Variants in VPS13D observed in about 807,000 individuals in gnomAD.
VPS13D encodes vacuolar protein sorting 13 homolog D.
A neutral mutation model predicts 461.9 loss-of-function variants in VPS13D; 187 were observed. The observed-to-expected ratio is 0.40, with a 90% CI of 0.36 to 0.46. The LOEUF (loss-of-function observed/expected upper bound fraction) is 0.46, where lower values mean the gene tolerates loss of function less well. VPS13D is among the 20% of genes least tolerant of loss of function. The probability of loss-of-function intolerance (pLI) is 0.60; values close to 1 mark genes in which losing one functional copy is unlikely to be tolerated. For synonymous variants in VPS13D, 1,951 were observed against 1,986.3 expected (o/e 0.98, Z 0.47); for missense variants, 4,711 against 5,364.9 (o/e 0.88, Z 3.81).
intron 10 of VPS13D, among the ~76,000 whole-genome samples, 174 bp from the exon 11 acceptor site, chr1:12,260,519 A>G (rs1641074163): frequency 6.6e-6 from 1 of 152,166 alleles, no homozygotes; most frequent in Non-Finnish European, 1.5e-5. Context: ...AAGCTACTTA[A>G]GCCAGAAACA....
At chr1:12,366,114 G>A (rs989308178) in intron 52 of VPS13D, among the ~76,000 whole-genome samples, 5 of 151,932 alleles carry the variant, frequency 3.3e-5, no homozygotes, top group African/African-American at 7.3e-5. Context: ...TCACTATGTT[G>A]CCCAGGCTGG....
In VPS13D at chr1:12,321,774, C is replaced by T. The variant is rs745788383; in HGVS notation, c.7549-35C>T. ...GTAGTTGGACCCTTCCTAAATCAGA[C>T]ATTAATTCTCGCCATATTGCATTTC... On this transcript the variant is annotated intron_variant, in intron 32 of 69. Transcript: ENST00000620676. 1.9e-6 allele frequency: 3 copies of T among 1,577,308 alleles called. No individual in the cohort carries two copies. The African/African-American group carries it at 4.1e-5, about 22-fold the overall frequency.
chr1:12,401,507 T>C, intron 61 of VPS13D, 101 bp from the exon 62 acceptor site: 2 of 777,908 alleles, frequency 2.6e-6, no homozygotes, highest in Non-Finnish European at 4.1e-6. Flanking sequence ...TAAAGCCACA[T>C]GATTAATGAA....
chr1:12,475,044 C>T (rs1378270580), intron 67 of VPS13D, among the ~76,000 whole-genome samples: 1 of 152,062 alleles, frequency 6.6e-6, no homozygotes, highest in East Asian at 1.9e-4. Flanking sequence ...GGAGCCTCGT[C>T]CTGATGTATT....
In VPS13D at chr1:12,311,861, A is replaced by T; in HGVS notation, c.6871A>T (p.Met2291Leu). The T allele has an allele frequency of 6.2e-7, 1 of 1,614,192 alleles. No homozygotes were observed. The highest frequency in any genetic ancestry group is 8.5e-7 in the Non-Finnish European group (1 of 1,180,002). The change falls in exon 29 of 70, where the codon ATG (methionine) becomes TTG (leucine). Residue 2291 changes from methionine (M) to leucine (L), a missense_variant. Met to Leu is a conservative substitution (Grantham distance 15, BLOSUM62 2). This residue lies in a region of VPS13D where 4,411 missense variants were observed against 4,937.8 expected (regional missense o/e 0.89). Transcript: ENST00000620676. ...VYTCMCFLID[M>L]VNVSLELKDP... ...CACCTGTATGTGCTTCCTCATTGAT[A>T]TGGTGAATGTAAGTCTGGAGCTTAA...
At chr1:12,249,147 T>C (rs1483700323) in intron 5 of VPS13D, 76 bp from the exon 6 acceptor site, 2 of 1,241,164 alleles carry the variant, frequency 1.6e-6, no homozygotes, top group Admixed American at 2.1e-5. Context: ...GTTATCTAAA[T>C]GCTTTTTCTT....
At position 12,314,109 on chromosome 1, in the gene VPS13D, T is replaced by C. The variant is rs767572314; in HGVS notation, c.6936-6T>C. The stretch of plus-strand genomic sequence containing the variant: ...CATCTTGCTTGCTTTCTTTTCTCTC[T>C]TTTAGATTTGACTTCAAGAAATGCA... On this transcript the variant is annotated splice_polypyrimidine_tract_variant and splice_region_variant and intron_variant, in intron 29 of 69. Coordinates refer to ENST00000620676, the MANE Select transcript of VPS13D (RefSeq NM_015378.4). 10 of 1,613,110 alleles carry C rather than the reference T, an allele frequency of 6.2e-6. No individual in the cohort carries two copies. Among genetic ancestry groups the C allele is most frequent in the South Asian group, 1.1e-5 (1 of 90,918 alleles).
intron 24 of VPS13D, among the ~76,000 whole-genome samples, chr1:12,297,533 T>G (rs1184928871): frequency 6.6e-6 from 1 of 152,210 alleles, no homozygotes; most frequent in African/African-American, 2.4e-5. Context: ...TTTCTTACTA[T>G]TCTTCCCTTG....
At chr1:12,280,764 C>A (rs1293320664) in intron 20 of VPS13D, among the ~76,000 whole-genome samples, 1 of 152,130 alleles carries the variant, frequency 6.6e-6, no homozygotes, top group Non-Finnish European at 1.5e-5. Context: ...GCTGGGATTA[C>A]AGGTGTGTGC....
Position 12,473,216 on chromosome 1 carries a change from A to C in VPS13D, c.12662+12820A>C, listed in dbSNP as rs1261934925. 2.0e-5 allele frequency among the ~76,000 whole-genome samples: 3 copies of C among 152,200 alleles called. No homozygotes were observed. The highest frequency in any genetic ancestry group is 4.4e-5 in the Non-Finnish European group (3 of 68,046). On this transcript the variant is annotated intron_variant, in intron 67 of 69. Transcript: ENST00000620676. This position sits in a 1 kb window ranked among gnomAD's most constrained non-coding sequence, Gnocchi z 4.2. The stretch of plus-strand genomic sequence containing the variant: ...AGTTGCTGAAAGTTTTCTTATCTTG[A>C]CACTCCAAGGGCAAGAGGTCTTTCT...
At chr1:12,409,930 A>G (rs919486998) in intron 63 of VPS13D, 2 of 455,902 alleles carry the variant, frequency 4.4e-6, no homozygotes, top group Non-Finnish European at 8.8e-6. Flanking sequence ...TATTCTTGAG[A>G]CTTTTTCTGA....
chr1:12,361,717 T>C (rs1643953660), intron 50 of VPS13D, among the ~76,000 whole-genome samples: 1 of 151,916 alleles, frequency 6.6e-6, no homozygotes, highest in South Asian at 2.1e-4. Context: ...TTTTAAAAAT[T>C]GTTATCAGAG....
intron 30 of VPS13D, among the ~76,000 whole-genome samples, chr1:12,316,491 A>C (rs541658308): frequency 6.6e-6 from 1 of 152,348 alleles, no homozygotes; most frequent in African/African-American, 2.4e-5. Flanking sequence ...CAGAACTCTG[A>C]CAATCTATGT....
In VPS13D at chr1:12,299,914, T is replaced by C. The variant is rs1443952520; in HGVS notation, c.6216+530T>C. On this transcript the variant is annotated intron_variant, in intron 25 of 69. Transcript: ENST00000620676. This position sits in a 1 kb window ranked among gnomAD's most constrained non-coding sequence, Gnocchi z 4.2. ...TTACTGTGGCACCTTTTTTTTTTTT[T>C]CAACTTTTGTTTTAGATACAGGGGG... 1.3e-5 allele frequency among the ~76,000 whole-genome samples: 2 copies of C among 151,818 alleles called. No homozygotes were observed. Among genetic ancestry groups the C allele is most frequent in the East Asian group, 1.9e-4 (1 of 5,184 alleles).
At chr1:12,356,162 C>G in intron 48 of VPS13D, 72 bp downstream of exon 48, 3 of 1,506,666 alleles carry the variant, frequency 2.0e-6, no homozygotes, top group Non-Finnish European at 2.7e-6. Context: ...GCTTAGCTAA[C>G]TAAATGGAGC....
chr1:12,304,830 G>C (rs1444752336), intron 26 of VPS13D, 102 bp downstream of exon 26: 2 of 1,125,016 alleles, frequency 1.8e-6, no homozygotes, highest in Admixed American at 4.4e-5. Context: ...AAATGTTAAC[G>C]AAGAGATAGC....
At position 12,354,195 on chromosome 1, in the gene VPS13D, C is replaced by G. The variant is rs2101599639; in HGVS notation, c.9653C>G (p.Ala3218Gly). 1 of 1,614,184 alleles carries G rather than the reference C, an allele frequency of 6.2e-7. No individual in the cohort carries two copies. Among genetic ancestry groups the G allele is most frequent in the East Asian group, 2.2e-5 (1 of 44,878 alleles). ...GGCAAGGAGGCAGCTCTCCATACAG[C>G]TGATACATCCCAGAACATTGAGCTG... ...KPGKEAALHTADTSQNIELGV... is the reference protein window; with the variant it reads ...KPGKEAALHTGDTSQNIELGV... The change falls in exon 47 of 70, where the codon GCT (alanine) becomes GGT (glycine). Residue 3218 changes from alanine (A) to glycine (G), a missense_variant. Ala to Gly is a moderately conservative substitution (Grantham distance 60). Transcript: ENST00000620676.
At chr1:12,418,822 AG>A (rs1644827469) in intron 65 of VPS13D, among the ~76,000 whole-genome samples, 1 of 152,188 alleles carries the variant, frequency 6.6e-6, no homozygotes, top group Non-Finnish European at 1.5e-5. Context: ...GGACACTGAG[AG>A]TAGGAGAGTC....
chr1:12,476,135 G>A (rs966376153), intron 67 of VPS13D, among the ~76,000 whole-genome samples: 1 of 152,196 alleles, frequency 6.6e-6, no homozygotes, highest in African/African-American at 2.4e-5. Context: ...TGCTATGGCA[G>A]CTCTCTTTGT....
Sources: gnomAD v4.1 joint callset for allele counts (sites outside exome capture counted in the v4.1 genomes callset) on GRCh38, gnomAD v4.1.1 for gene constraint, gnomAD v4.1.1 regional missense constraint, Gnocchi (gnomAD v3.1) non-coding constraint, MANE v1.5 for transcripts, NCBI Gene and HGNC (gene_info 2026-07-23, HGNC 2026-07-21) for gene names.